The following R3HDM2 variants were observed in gnomAD, a reference collection of about 807,000 sequenced individuals.
R3HDM2 encodes R3H domain containing 2, also known as R3H domain-containing protein 2.
R3HDM2 carries 38 observed loss-of-function variants against 124.5 expected under a neutral mutation model. That is an observed-to-expected ratio of 0.31 (90% confidence interval 0.24 to 0.40). The LOEUF (loss-of-function observed/expected upper bound fraction) is 0.40. Among genes scored for constraint, R3HDM2 ranks in the 10% least tolerant of loss-of-function variants. The pLI is 1.00. For synonymous variants in R3HDM2, 391 were observed against 448.0 expected, an observed-to-expected ratio of 0.87 and a Z score of 1.61; for missense variants, 869 against 1,236.9, an observed-to-expected ratio of 0.70 and a Z score of 4.46.
At chr12:57,313,187 A>C (rs916326410) in intron 2 of R3HDM2, among the ~76,000 whole-genome samples, 36 of 152,260 alleles carry the variant, frequency 2.4e-4, no homozygotes, top group African/African-American at 8.4e-4. Context: ...ATCAAGCCTC[A>C]GTTCTCTTCA....
chr12:57,294,581 A>G (rs1477052277), intron 10 of R3HDM2, among the ~76,000 whole-genome samples: 4 of 152,176 alleles, frequency 2.6e-5, no homozygotes, highest in Non-Finnish European at 5.9e-5. Context: ...GAGGTAAGAT[A>G]TTATTATAGT....
intron 19 of R3HDM2, among the ~76,000 whole-genome samples, chr12:57,261,315 T>C (rs1406895542): frequency 6.6e-6 from 1 of 152,118 alleles, no homozygotes; most frequent in East Asian, 1.9e-4. Context: ...TACCTGAGGG[T>C]CCAATGTAAG....
chr12:57,290,835 C>A (rs1293877955), intron 11 of R3HDM2, among the ~76,000 whole-genome samples: 2 of 152,180 alleles, frequency 1.3e-5, no homozygotes, highest in Non-Finnish European at 2.9e-5. Flanking sequence ...TGGTCTCGAA[C>A]TCCCGAGCTC....
intron 14 of R3HDM2, among the ~76,000 whole-genome samples, chr12:57,271,590 T>A (rs892178761): frequency 1.3e-5 from 2 of 152,214 alleles, no homozygotes; most frequent in African/African-American, 4.8e-5. Flanking sequence ...TGAACTGGAC[T>A]GCAGATTATT....
At chr12:57,289,146 C>T in intron 11 of R3HDM2, 106 bp from the exon 12 acceptor site, 1 of 1,096,698 alleles carries the variant, frequency 9.1e-7, no homozygotes, top group South Asian at 1.4e-5. Context: ...CAAACCAAAG[C>T]TCACCCCACC....
chr12:57,408,865 G>GAA (rs5798405), intron 1 of R3HDM2, among the ~76,000 whole-genome samples: 105 of 148,348 alleles, frequency 7.1e-4, no homozygotes, highest in African/African-American at 1.8e-3. Context: ...AGTTTGGCTT[G>GAA]AAAAAAAAAA....
rs1256508011 is a variant in R3HDM2 at position 57,266,103 on chromosome 12, TTTC to T, written c.2131+625_2131+627del. Among the ~76,000 whole-genome samples, 12 of 145,334 alleles carry T rather than the reference TTTC, an allele frequency of 8.3e-5. No homozygotes were observed. The East Asian group carries it at 8.3e-4, about 10-fold the overall frequency. ...TGAGCCTCCGCACCTGGCCATAATT[TTTC>T]TTTTTTTTTTTTTTTTTGAGACGGA... is the stretch of plus-strand genomic sequence containing the variant. On this transcript the variant is annotated intron_variant, in intron 19 of 23. Transcript: ENST00000402412.
intron 2 of R3HDM2, among the ~76,000 whole-genome samples, chr12:57,317,624 G>A (rs1157201570): frequency 1.5e-5 from 2 of 129,100 alleles, no homozygotes; most frequent in African/African-American, 2.8e-5. Flanking sequence ...CAGAATCCTG[G>A]GAGATAGTTA....
At chr12:57,264,510 T>G (rs1469197765) in intron 19 of R3HDM2, among the ~76,000 whole-genome samples, 1 of 151,206 alleles carries the variant, frequency 6.6e-6, no homozygotes, top group East Asian at 1.9e-4. Context: ...AGGTGGAGGT[T>G]GCAGTGAGCC....
chr12:57,404,344 G>A (rs1035407233), intron 1 of R3HDM2, among the ~76,000 whole-genome samples: 35 of 150,798 alleles, frequency 2.3e-4, no homozygotes, highest in African/African-American at 8.0e-4. Context: ...GATTACAGGC[G>A]TGAGCCACCG....
At chr12:57,262,605 T>C (rs2041163774) in intron 19 of R3HDM2, among the ~76,000 whole-genome samples, 1 of 152,208 alleles carries the variant, frequency 6.6e-6, no homozygotes, top group Admixed American at 6.5e-5. Flanking sequence ...GCCTTTATTT[T>C]TGGAAAAGTG....
intron 14 of R3HDM2, among the ~76,000 whole-genome samples, chr12:57,270,437 GTTT>G (rs1005526514): frequency 1.3e-5 from 2 of 149,134 alleles, no homozygotes; most frequent in South Asian, 2.1e-4. Context: ...TTTGTTTTTT[GTTT>G]TTTTTGAGAT....
intron 1 of R3HDM2, among the ~76,000 whole-genome samples, chr12:57,423,360 G>A (rs2070392217): frequency 1.3e-5 from 2 of 150,860 alleles, no homozygotes; most frequent in South Asian, 4.2e-4. Flanking sequence ...GGAGGCGGAG[G>A]GTGCAGTGAG....
chr12:57,272,155 T>C (rs1169652420), intron 14 of R3HDM2, among the ~76,000 whole-genome samples: 1 of 152,200 alleles, frequency 6.6e-6, no homozygotes, highest in East Asian at 1.9e-4. Context: ...AGATTTAGGA[T>C]GTACATCGTA....
chr12:57,425,938 G>C (rs1469943246), intron 1 of R3HDM2, among the ~76,000 whole-genome samples: 1 of 151,034 alleles, frequency 6.6e-6, no homozygotes, highest in Non-Finnish European at 1.5e-5. Flanking sequence ...AGAAACTAAG[G>C]AAAGATAGGT....
At chr12:57,341,510 C>A in intron 2 of R3HDM2, 1 of 636,126 alleles carries the variant, frequency 1.6e-6, no homozygotes, top group Non-Finnish European at 2.0e-6. Flanking sequence ...CTTTAGAAGC[C>A]AAGGCCAGCA....
At chr12:57,368,367 G>A (rs1165835837) in intron 2 of R3HDM2, among the ~76,000 whole-genome samples, 2 of 152,126 alleles carry the variant, frequency 1.3e-5, no homozygotes, top group Non-Finnish European at 1.5e-5. Flanking sequence ...CTTGCCCAAA[G>A]AGAGGTCTGG....
At chr12:57,380,647 T>G (rs189760865) in intron 2 of R3HDM2, among the ~76,000 whole-genome samples, 43 of 152,246 alleles carry the variant, frequency 2.8e-4, no homozygotes, top group Non-Finnish European at 1.6e-4. Context: ...GACCTCAAAA[T>G]GCTATGAACA....
At chr12:57,425,371 A>G (rs1374966916) in intron 1 of R3HDM2, among the ~76,000 whole-genome samples, 1 of 152,232 alleles carries the variant, frequency 6.6e-6, no homozygotes, top group Admixed American at 6.5e-5. Context: ...CTATGTCCAG[A>G]CAAATGCATA....
Sources: allele counts gnomAD v4.1 joint callset (sites outside exome capture counted in the v4.1 genomes callset), GRCh38; gene constraint gnomAD v4.1.1; transcripts MANE v1.5; gene names NCBI Gene and HGNC (gene_info 2026-07-23, HGNC 2026-07-21).